The following KCNS3 variants were observed in gnomAD, a reference collection of about 807,000 sequenced individuals.
KCNS3 encodes the protein potassium voltage-gated channel modifier subfamily S member 3, also known as delayed-rectifier potassium channel regulatory subunit KCNS3.
In KCNS3, 13 loss-of-function variants were observed where a neutral mutation model predicts 31.0. That is an observed-to-expected ratio of 0.42 (90% confidence interval 0.27 to 0.67). The LOEUF is 0.67. Among genes scored for constraint, KCNS3 ranks in the 30% least tolerant of loss-of-function variants. The pLI is 0.25. For synonymous variants in KCNS3, 238 were observed against 241.5 expected (o/e 0.99, Z 0.13); for missense variants, 545 against 622.4 (o/e 0.88, Z 1.32).
Position 17,931,124 on chromosome 2 carries a change from CCA to C in KCNS3, c.117_118del (p.Arg40ThrfsTer10), listed in dbSNP as rs751041964. Reference sequence around the variant, plus strand: ...AGCACCCTCCTGCGGTTTCCTCACACCAGACTGGGGAAGCTGCTTACTTGCCA... The same window carrying C: ...AGCACCCTCCTGCGGTTTCCTCACACGACTGGGGAAGCTGCTTACTTGCCA... On this transcript the variant is annotated frameshift_variant, in exon 3 of 3. Transcript: ENST00000304101. LOFTEE classifies it high-confidence loss of function. This position sits in a 1 kb window ranked among gnomAD's most constrained non-coding sequence, Gnocchi z 5.4. 3.1e-6 allele frequency: 5 copies of C among 1,614,204 alleles called. No individual in the cohort carries two copies. The Admixed American group carries it at 8.3e-5, about 27-fold the overall frequency.
rs758409651 is a variant in KCNS3 at position 17,921,593 on chromosome 2, G to T, written c.-60+3722G>T. ...TTTAATTGATTAAGAGTTCCGCATG[G>T]CTGGGAAAGCCTCAGGAAACTTAAA... On this transcript the variant is annotated intron_variant, in intron 2 of 2. Coordinates refer to ENST00000304101, the MANE Select transcript of KCNS3 (RefSeq NM_002252.5). Among the ~76,000 whole-genome samples the T allele has an allele frequency of 1.4e-4, 22 of 152,056 alleles. No homozygotes were observed. In the East Asian group the frequency reaches 3.3e-3, roughly 23 times the overall value.
At chr2:17,923,389 T>G (rs1026286334) in intron 2 of KCNS3, among the ~76,000 whole-genome samples, 1 of 152,158 alleles carries the variant, frequency 6.6e-6, no homozygotes, top group African/African-American at 2.4e-5. Context: ...GATTTGCAAA[T>G]ATTTTCTTCT....
intron 1 of KCNS3, among the ~76,000 whole-genome samples, chr2:17,903,085 A>C (rs1558451837): frequency 6.6e-6 from 1 of 152,094 alleles, no homozygotes; most frequent in East Asian, 1.9e-4. Flanking sequence ...GTTTGTTGTG[A>C]TTTTTCTTTT....
At chr2:17,881,652 A>G (rs745711728) in intron 1 of KCNS3, among the ~76,000 whole-genome samples, 1 of 152,234 alleles carries the variant, frequency 6.6e-6, no homozygotes, top group Non-Finnish European at 1.5e-5. Context: ...CAGCCCGGAA[A>G]AGGTGAAGCT....
At chr2:17,902,148 A>T (rs1170803356) in intron 1 of KCNS3, among the ~76,000 whole-genome samples, 2 of 152,222 alleles carry the variant, frequency 1.3e-5, no homozygotes, top group Non-Finnish European at 2.9e-5. Flanking sequence ...AGTAGGACAA[A>T]TGCTATGGAC....
intron 2 of KCNS3, among the ~76,000 whole-genome samples, chr2:17,927,560 C>G (rs1021890713): frequency 5.9e-5 from 9 of 152,170 alleles, no homozygotes; most frequent in African/African-American, 1.7e-4. Flanking sequence ...AGGAAACTTA[C>G]AATCCTGATA....
chr2:17,891,721 A>G (rs1356394045), intron 1 of KCNS3, among the ~76,000 whole-genome samples: 1 of 152,134 alleles, frequency 6.6e-6, no homozygotes, highest in Non-Finnish European at 1.5e-5. Context: ...TTGGCTGATA[A>G]TTGTTTTGTT....
At position 17,932,328 on chromosome 2, in the gene KCNS3, T is replaced by C. The variant is rs751006108; in HGVS notation, c.1320T>C (p.Ile440=). ...GTCATGAGCTACCTTACTTTAACAT[T>C]AGGGATATATATGCACAGCGGATGC... ...EKCHELPYFN[I]RDIYAQRMHT... Residue 440 remains isoleucine (I), a synonymous_variant, in exon 3 of 3, where the codon ATT becomes ATC. Transcript: ENST00000304101. 1 of 1,613,972 alleles carries C rather than the reference T, an allele frequency of 6.2e-7. No homozygotes were observed. The highest frequency in any genetic ancestry group is 2.2e-5 in the East Asian group (1 of 44,870).
intron 2 of KCNS3, among the ~76,000 whole-genome samples, chr2:17,923,326 T>C (rs1448837100): frequency 9.2e-5 from 14 of 152,126 alleles, no homozygotes; most frequent in Admixed American, 9.2e-4. Flanking sequence ...GTCTTTTTAT[T>C]ATTGAGTTGT....
At chr2:17,927,085 A>C (rs1662856010) in intron 2 of KCNS3, among the ~76,000 whole-genome samples, 1 of 152,218 alleles carries the variant, frequency 6.6e-6, no homozygotes. Context: ...CTTCCACCAG[A>C]TACCCTAAAT....
intron 1 of KCNS3, among the ~76,000 whole-genome samples, chr2:17,886,223 G>T (rs1279602226): frequency 6.6e-6 from 1 of 152,116 alleles, no homozygotes; most frequent in African/African-American, 2.4e-5. Context: ...CTTTTATTCT[G>T]CTATGCACTG....
At chr2:17,901,351 A>G (rs1662169144) in intron 1 of KCNS3, among the ~76,000 whole-genome samples, 2 of 151,838 alleles carry the variant, frequency 1.3e-5, no homozygotes, top group Non-Finnish European at 2.9e-5. Flanking sequence ...TCGAGTTGAG[A>G]GGCAATGGGG....
At position 17,931,101 on chromosome 2, in the gene KCNS3, C is replaced by G. The variant is rs1380090365; in HGVS notation, c.93C>G (p.Ser31Arg). 2 of 1,614,210 alleles carry G rather than the reference C, an allele frequency of 1.2e-6. No homozygotes were observed. The highest frequency in any genetic ancestry group is 1.7e-6 in the Non-Finnish European group (2 of 1,180,030). Residue 31 changes from serine to arginine, a missense_variant, in exon 3 of 3, where the codon AGC becomes AGG. Transcript: ENST00000304101. The surrounding 1 kb of genome is among the most constrained non-coding windows in gnomAD (Gnocchi z 5.4). ...VGGFKQSVDQSTLLRFPHTRL... is the reference protein window; with the variant it reads ...VGGFKQSVDQRTLLRFPHTRL... The stretch of plus-strand genomic sequence containing the variant: ...GCTTTAAGCAGTCTGTTGACCAAAG[C>G]ACCCTCCTGCGGTTTCCTCACACCA...
At chr2:17,930,155 G>A (rs568195805) in intron 2 of KCNS3, among the ~76,000 whole-genome samples, 10 of 152,198 alleles carry the variant, frequency 6.6e-5, no homozygotes, top group South Asian at 2.1e-4. Context: ...TTAGGGCCAC[G>A]TGGGGACTGT....
chr2:17,895,813 A>T (rs1662012968), intron 1 of KCNS3, among the ~76,000 whole-genome samples: 2 of 152,280 alleles, frequency 1.3e-5, no homozygotes, highest in African/African-American at 4.8e-5. Flanking sequence ...AGGGAAAAGG[A>T]CACTTCAATC....
intron 2 of KCNS3, among the ~76,000 whole-genome samples, chr2:17,929,881 C>T (rs561007512): frequency 6.6e-6 from 1 of 152,298 alleles, no homozygotes; most frequent in East Asian, 1.9e-4. Context: ...ACCCATTTTT[C>T]TATCCAGCTA....
At chr2:17,880,384 A>G (rs1674618073) in intron 1 of KCNS3, among the ~76,000 whole-genome samples, 1 of 152,224 alleles carries the variant, frequency 6.6e-6, no homozygotes, top group Non-Finnish European at 1.5e-5. Flanking sequence ...AATGGATGAT[A>G]TAATTTCTGC....
intron 1 of KCNS3, among the ~76,000 whole-genome samples, chr2:17,886,176 C>G (rs947921823): frequency 2.0e-5 from 3 of 152,176 alleles, no homozygotes; most frequent in African/African-American, 7.2e-5. Flanking sequence ...TGCCAGCAGA[C>G]TAAATTTGGG....
intron 1 of KCNS3, among the ~76,000 whole-genome samples, chr2:17,892,733 C>T (rs2125235882): frequency 6.6e-6 from 1 of 152,240 alleles, no homozygotes; most frequent in Non-Finnish European, 1.5e-5. Context: ...AGCGAGTCTG[C>T]CCAGCTCTGG....
Sources: allele counts gnomAD v4.1 joint callset (sites outside exome capture counted in the v4.1 genomes callset), GRCh38; gene constraint gnomAD v4.1.1; non-coding constraint Gnocchi (gnomAD v3.1); transcripts MANE v1.5; gene names NCBI Gene and HGNC (gene_info 2026-07-23, HGNC 2026-07-21).